GRAMD2A: variants seen among roughly 807,000 people sequenced by gnomAD.
GRAMD2A encodes the protein GRAM domain-containing protein 2A.
A neutral mutation model predicts 51.1 loss-of-function variants in GRAMD2A; 37 were observed. The ratio of observed to expected loss-of-function variants is 0.72; its 90% CI spans 0.56 to 0.95. The LOEUF is 0.95. Among genes scored for constraint, GRAMD2A ranks in the 40% least tolerant of loss-of-function variants. GRAMD2A has a pLI of 0.00. For missense variants in GRAMD2A, 414 were observed against 426.9 expected, an observed-to-expected ratio of 0.97 and a Z score of 0.27; for synonymous variants, 136 against 157.1, an observed-to-expected ratio of 0.87 and a Z score of 1.01.
At chr15:72,189,451 T>G (rs2081753925) in intron 1 of GRAMD2A, among the ~76,000 whole-genome samples, 1 of 152,236 alleles carries the variant, frequency 6.6e-6, no homozygotes, top group Admixed American at 6.5e-5. Flanking sequence ...CTATTGCTAT[T>G]CAGGATGTTA....
intron 8 of GRAMD2A, among the ~76,000 whole-genome samples, chr15:72,164,185 C>G (rs2081514569): frequency 6.6e-6 from 1 of 152,176 alleles, no homozygotes; most frequent in African/African-American, 2.4e-5. Flanking sequence ...CTATCCGGCA[C>G]ATGGTATTAT....
At chr15:72,194,006 G>A (rs1407753106) in intron 1 of GRAMD2A, among the ~76,000 whole-genome samples, 1 of 152,268 alleles carries the variant, frequency 6.6e-6, no homozygotes, top group Non-Finnish European at 1.5e-5. Flanking sequence ...CCATTCCCAG[G>A]GGCTTCTGCC....
intron 1 of GRAMD2A, among the ~76,000 whole-genome samples, chr15:72,197,069 G>T (rs1197469157): frequency 6.6e-6 from 1 of 152,188 alleles, no homozygotes; most frequent in East Asian, 1.9e-4. Context: ...TGGATGTTAC[G>T]TGCAGCGCCA....
intron 1 of GRAMD2A, among the ~76,000 whole-genome samples, chr15:72,187,135 G>C (rs2081739880): frequency 6.6e-6 from 1 of 151,422 alleles, no homozygotes. Context: ...ATTCCAGCCT[G>C]GGCAACAAGA....
At chr15:72,184,830 A>G (rs1468536980) in intron 1 of GRAMD2A, among the ~76,000 whole-genome samples, 2 of 152,254 alleles carry the variant, frequency 1.3e-5, no homozygotes, top group Non-Finnish European at 2.9e-5. Context: ...GTTCACTTAC[A>G]TGTTAAAGAG....
At chr15:72,162,093 T>C in intron 11 of GRAMD2A, 81 bp from the exon 12 acceptor site, 1 of 1,567,284 alleles carries the variant, frequency 6.4e-7, no homozygotes, top group East Asian at 2.2e-5. Flanking sequence ...GTGATAACTT[T>C]ACTTCCCCCA....
intron 1 of GRAMD2A, among the ~76,000 whole-genome samples, chr15:72,190,247 C>T (rs138956395): frequency 0.017 from 2,587 of 152,198 alleles, 88 homozygotes; most frequent in African/African-American, 0.06. Flanking sequence ...GGCGTGGTGG[C>T]AGGCGCCTGT....
rs1404636294 is a variant in GRAMD2A, at chr15:72,167,644, CAG to C, written c.372+90_372+91del. 5.1e-6 allele frequency: 5 copies of C among 987,072 alleles called. 1 individual carries two copies. The highest frequency in any genetic ancestry group is 2.6e-5 in the South Asian group (2 of 76,310). 61.1% of individuals were successfully genotyped at this position (987,072 alleles called of 1,614,324 possible). A position where few individuals can be genotyped will look rare whatever the true frequency, so the allele number is the denominator to read the frequency against. On this transcript the variant is annotated intron_variant, in intron 5 of 11. Transcript: ENST00000309731. ...GGGGCTTCACCCGGGGCCCAGCACG[CAG>C]AGAGATAGGCATGACTTTGAGGCAT...
intron 1 of GRAMD2A, among the ~76,000 whole-genome samples, chr15:72,196,258 G>A (rs2081804342): frequency 6.6e-6 from 1 of 152,180 alleles, no homozygotes; most frequent in Admixed American, 6.5e-5. Context: ...TGTAGTCCCT[G>A]TAATGCTAGC....
chr15:72,172,589 T>TTA (rs999373146), intron 1 of GRAMD2A, among the ~76,000 whole-genome samples: 3 of 151,464 alleles, frequency 2.0e-5, no homozygotes, highest in Admixed American at 6.6e-5. Flanking sequence ...GCTAATTTAT[T>TTA]TATATATATA....
In GRAMD2A at chr15:72,168,493, T is replaced by C. The variant is rs367587801; in HGVS notation, c.266A>G (p.Lys89Arg). 1 of 1,612,770 alleles carries C rather than the reference T, an allele frequency of 6.2e-7. No individual in the cohort carries two copies. The highest frequency in any genetic ancestry group is 1.1e-5 in the South Asian group (1 of 91,042). The change falls in exon 4 of 12, where the codon AAA (lysine) becomes AGA (arginine). Residue 89 changes from lysine to arginine, a missense_variant and splice_region_variant. Coordinates refer to ENST00000309731, the MANE Select transcript of GRAMD2A (RefSeq NM_001012642.3). The stretch of plus-strand genomic sequence containing the variant: ...AGCTATACCGGGAGACAGCTCACCT[T>C]TGAGAACCACTTCCTCCAAGGGAAC... Reference protein sequence around the residue: ...KDVPLEEVVLKVCSCALQRDF... With the variant: ...KDVPLEEVVLRVCSCALQRDF...
At position 72,167,106 on chromosome 15, in the gene GRAMD2A, G is replaced by A; in HGVS notation, c.373-14C>T. The A allele has an allele frequency of 6.3e-7, 1 of 1,577,860 alleles. No individual in the cohort carries two copies. On this transcript the variant is annotated splice_polypyrimidine_tract_variant and intron_variant, in intron 5 of 11. Coordinates refer to ENST00000309731, the MANE Select transcript of GRAMD2A (RefSeq NM_001012642.3). Reference sequence around the variant, plus strand: ...AGGAATGACCACCTGAGAGGGAGAGGGATGCTTCTCTCAGGACTAACCCCC... The same window carrying A: ...AGGAATGACCACCTGAGAGGGAGAGAGATGCTTCTCTCAGGACTAACCCCC...
intron 1 of GRAMD2A, among the ~76,000 whole-genome samples, chr15:72,186,845 G>A (rs1223113911): frequency 6.6e-6 from 1 of 152,030 alleles, no homozygotes; most frequent in Admixed American, 6.6e-5. Context: ...AACATGTATT[G>A]TAACTGATAA....
intron 1 of GRAMD2A, among the ~76,000 whole-genome samples, chr15:72,184,518 T>C (rs1486112106): frequency 2.0e-5 from 3 of 152,206 alleles, no homozygotes; most frequent in African/African-American, 7.2e-5. Flanking sequence ...CCTGGTGCAG[T>C]GCGTGTACCA....
chr15:72,183,397 C>T (rs778998520), intron 1 of GRAMD2A, among the ~76,000 whole-genome samples: 2 of 151,826 alleles, frequency 1.3e-5, no homozygotes, highest in Non-Finnish European at 2.9e-5. Flanking sequence ...TGCCTGTCGT[C>T]CCAGCTACTC....
Position 72,162,295 on chromosome 15 carries a change from C to A in GRAMD2A, c.1039G>T (p.Asp347Tyr). The A allele has an allele frequency of 6.2e-7, 1 of 1,613,790 alleles. No individual in the cohort carries two copies. Among genetic ancestry groups the A allele is most frequent in the Non-Finnish European group, 8.5e-7 (1 of 1,179,688 alleles). The change falls in exon 11 of 12, where the codon GAT becomes TAT. Residue 347 changes from aspartate (D) to tyrosine (Y), a missense_variant. Asp to Tyr is a radical substitution (Grantham distance 160). Transcript: ENST00000309731. ...LEQQLCSLSWDDPVPGHR is the reference protein window; with the variant it reads ...LEQQLCSLSWYDPVPGHR ...CACCTGTGCCCAGGGACTGGGTCAT[C>A]CCAACTCAAGGAGCATAACTGCTGC... is the stretch of plus-strand genomic sequence containing the variant.
At position 72,163,601 on chromosome 15, in the gene GRAMD2A, T is replaced by G. The variant is rs1269824388; in HGVS notation, c.745+12A>C. 5.6e-6 allele frequency: 9 copies of G among 1,595,352 alleles called. No individual in the cohort carries two copies. The highest frequency in any genetic ancestry group is 6.8e-6 in the Non-Finnish European group (8 of 1,172,884). ...GCAAGTAGTTGCCATGGACAAGCCCTCCCGAACTTACCAGACATTGGAGGC... is the reference window on the plus strand; with the variant it reads ...GCAAGTAGTTGCCATGGACAAGCCCGCCCGAACTTACCAGACATTGGAGGC... On this transcript the variant is annotated intron_variant, in intron 9 of 11. Transcript: ENST00000309731.
intron 8 of GRAMD2A, among the ~76,000 whole-genome samples, chr15:72,164,552 C>T (rs984607472): frequency 3.3e-5 from 5 of 151,980 alleles, no homozygotes; most frequent in East Asian, 3.9e-4. Context: ...ACTACAGGTA[C>T]GTGCCAACAT....
intron 8 of GRAMD2A, 99 bp from the exon 9 acceptor site, chr15:72,163,856 A>G: frequency 7.7e-7 from 1 of 1,296,076 alleles, no homozygotes; most frequent in East Asian, 2.4e-5. Flanking sequence ...TCCAGATATT[A>G]CCAAATATAG....
Sources: gnomAD v4.1 joint callset for allele counts (sites outside exome capture counted in the v4.1 genomes callset) on GRCh38, gnomAD v4.1.1 for gene constraint, MANE v1.5 for transcripts, NCBI Gene and HGNC (gene_info 2026-07-23, HGNC 2026-07-21) for gene names.